GSE1: variants seen among roughly 807,000 people sequenced by gnomAD.
GSE1 encodes the protein Gse1 coiled-coil protein, also known as genetic suppressor element 1.
In GSE1, 32 loss-of-function variants were observed where a neutral mutation model predicts 112.6. The ratio of observed to expected loss-of-function variants is 0.28; its 90% CI spans 0.21 to 0.38. The LOEUF is 0.38. Among genes scored for constraint, GSE1 ranks in the 10% least tolerant of loss-of-function variants. GSE1 has a pLI of 1.00. For missense variants in GSE1, 2,348 were observed against 1,699.2 expected (o/e 1.38, Z -6.71); for synonymous variants, 1,115 against 735.6 (o/e 1.52, Z -8.35).
At chr16:85,655,130 C>T in intron 5 of GSE1, 139 bp downstream of exon 5, 1 of 663,810 alleles carries the variant, frequency 1.5e-6, no homozygotes, top group East Asian at 2.7e-5. Flanking sequence ...GAAATCGTCC[C>T]CAGCTTTGAG....
At chr16:85,606,145 C>T (rs1276954986) in intron 1 of GSE1, among the ~76,000 whole-genome samples, 5 of 152,186 alleles carry the variant, frequency 3.3e-5, no homozygotes, top group African/African-American at 9.6e-5. Flanking sequence ...GCCAGGTAGA[C>T]GGGGTTCTCA....
intron 2 of GSE1, among the ~76,000 whole-genome samples, chr16:85,550,084 A>T (rs1406664717): frequency 6.6e-6 from 1 of 152,164 alleles, no homozygotes; most frequent in Non-Finnish European, 1.5e-5. Flanking sequence ...GATTACACGT[A>T]TCTTCCTGGA....
intron 1 of GSE1, among the ~76,000 whole-genome samples, chr16:85,621,151 T>G (rs544402342): frequency 6.6e-6 from 1 of 152,054 alleles, no homozygotes; most frequent in East Asian, 1.9e-4. Flanking sequence ...GGAACCCGTT[T>G]AGATGGTCTC....
intron 2 of GSE1, among the ~76,000 whole-genome samples, chr16:85,467,090 C>A (rs984383270): frequency 2.0e-5 from 3 of 152,230 alleles, no homozygotes; most frequent in African/African-American, 7.2e-5. Context: ...GGAAGTGGGG[C>A]AGGGTAGGCG....
chr16:85,640,722 T>C (rs1024733841), intron 2 of GSE1, among the ~76,000 whole-genome samples: 2 of 152,230 alleles, frequency 1.3e-5, no homozygotes, highest in African/African-American at 4.8e-5. Context: ...CTCGGAAATC[T>C]GCCTCTCAAA....
At chr16:85,632,600 A>G (rs374205445) in intron 1 of GSE1, among the ~76,000 whole-genome samples, 16 of 152,288 alleles carry the variant, frequency 1.1e-4, no homozygotes, top group South Asian at 6.2e-4. Flanking sequence ...AGACTTGTCA[A>G]TGTCACTTAG....
rs1466000214 is a variant in GSE1, at chr16:85,617,612, GT to G, written c.7+4216del. ...TGTCAACCCTCCCCCCCCCCCCCCC[GT>G]TAACTGCCACGTGCAGCCCAAGCTG... On this transcript the variant is annotated intron_variant, in intron 1 of 15. Coordinates refer to ENST00000253458, the MANE Select transcript of GSE1 (RefSeq NM_014615.5). Among the ~76,000 whole-genome samples the G allele has an allele frequency of 2.3e-3, 100 of 43,830 alleles. 27 individuals carry two copies. The highest frequency in any genetic ancestry group is 0.02 in the South Asian group (28 of 1,422). 28.8% of individuals were successfully genotyped at this position (43,830 alleles called of 152,430 possible).
intron 2 of GSE1, among the ~76,000 whole-genome samples, chr16:85,478,267 C>G (rs1567519618): frequency 6.6e-6 from 1 of 152,126 alleles, no homozygotes; most frequent in Non-Finnish European, 1.5e-5. Context: ...TGGCTCATGC[C>G]TGTCATCGCA....
intron 1 of GSE1, among the ~76,000 whole-genome samples, chr16:85,324,073 G>T (rs934050097): frequency 5.3e-5 from 8 of 152,264 alleles, no homozygotes; most frequent in African/African-American, 1.9e-4. Context: ...TGGCGAGGAC[G>T]TGGAGAAGTT....
chr16:85,600,421 C>T (rs527435028), intron 1 of GSE1, among the ~76,000 whole-genome samples: 2 of 152,178 alleles, frequency 1.3e-5, no homozygotes, highest in African/African-American at 4.8e-5. Context: ...GCTGAGGGCT[C>T]TCTCGAGGAC....
chr16:85,641,428 C>G (rs532510180), intron 2 of GSE1, among the ~76,000 whole-genome samples: 1 of 151,946 alleles, frequency 6.6e-6, no homozygotes, highest in African/African-American at 2.4e-5. Flanking sequence ...CTGACGCCCC[C>G]CCCCGCCCTT....
intron 2 of GSE1, among the ~76,000 whole-genome samples, chr16:85,428,124 G>C (rs1371946875): frequency 1.3e-5 from 2 of 152,202 alleles, no homozygotes; most frequent in Non-Finnish European, 2.9e-5. Flanking sequence ...GCTGGGAACT[G>C]GTGCATCTCG....
chr16:85,383,015 G>A (rs901566595), intron 2 of GSE1, among the ~76,000 whole-genome samples: 1 of 149,426 alleles, frequency 6.7e-6, no homozygotes, highest in South Asian at 2.1e-4. Context: ...TGCACACACG[G>A]TTGCACCCAC....
chr16:85,493,790 C>CAAAAAAAAA (rs61555687), intron 2 of GSE1, among the ~76,000 whole-genome samples: 2 of 84,424 alleles, frequency 2.4e-5, no homozygotes, highest in South Asian at 4.4e-4. Context: ...GACTCCGTCT[C>CAAAAAAAAA]AAAAAAAAAA....
In GSE1 at chr16:85,339,781, T is replaced by C. The variant is rs74982182; in HGVS notation, c.2284-17682T>C. Among the ~76,000 whole-genome samples, 461 of 152,284 alleles carry C rather than the reference T, an allele frequency of 3.0e-3. 4 individuals carry two copies. Among genetic ancestry groups the C allele is most frequent in the East Asian group, 0.015 (79 of 5,180 alleles). ...TTTATGCCAGGGGACGGCGTCTGCA[T>C]TTTCATTTTTGGTGACTTTCGTGTT... On this transcript the variant is annotated intron_variant, in intron 1 of 2. Transcript: ENST00000637419.
intron 1 of GSE1, among the ~76,000 whole-genome samples, chr16:85,172,856 G>A (rs1416841174): frequency 6.6e-6 from 1 of 152,144 alleles, no homozygotes; most frequent in African/African-American, 2.4e-5. Context: ...CTATCTGGGG[G>A]ACATGTTCAC....
At chr16:85,197,351 C>T (rs76634705) in intron 1 of GSE1, among the ~76,000 whole-genome samples, 2,314 of 152,302 alleles carry the variant, frequency 0.015, 67 homozygotes, top group East Asian at 0.09. Flanking sequence ...GAGAGAAGAG[C>T]AGGCAGTTAA....
At chr16:85,227,617 G>A (rs2075511380) in intron 1 of GSE1, among the ~76,000 whole-genome samples, 1 of 152,198 alleles carries the variant, frequency 6.6e-6, no homozygotes, top group South Asian at 2.1e-4. Context: ...TGCAGGTTGG[G>A]GCTGGATGCC....
intron 1 of GSE1, among the ~76,000 whole-genome samples, chr16:85,614,485 C>G (rs947941870): frequency 6.6e-6 from 1 of 152,072 alleles, no homozygotes; most frequent in African/African-American, 2.4e-5. Flanking sequence ...GGTGGAGACT[C>G]GAGGCGCAGG....
Sources: gnomAD v4.1 joint callset for allele counts (sites outside exome capture counted in the v4.1 genomes callset) on GRCh38, gnomAD v4.1.1 for gene constraint, MANE v1.5 for transcripts, NCBI Gene and HGNC (gene_info 2026-07-23, HGNC 2026-07-21) for gene names.